The following ATXN7L1 variants were observed in gnomAD, a reference collection of about 807,000 sequenced individuals.
The protein encoded by ATXN7L1 is ataxin 7 like 1, also known as ataxin-7-like protein 1.
In ATXN7L1, 15 loss-of-function variants were observed where a neutral mutation model predicts 70.8. That is an observed-to-expected ratio of 0.21 (90% confidence interval 0.14 to 0.33). The LOEUF (loss-of-function observed/expected upper bound fraction) is 0.33, where lower values mean the gene tolerates loss of function less well. Among genes scored for constraint, ATXN7L1 ranks in the 10% least tolerant of loss-of-function variants. The pLI, the probability that ATXN7L1 is intolerant of heterozygous loss-of-function variation, is 1.00. For synonymous variants in ATXN7L1, 440 were observed against 445.1 expected, an observed-to-expected ratio of 0.99 and a Z score of 0.14; for missense variants, 975 against 1,097.1, an observed-to-expected ratio of 0.89 and a Z score of 1.57.
At chr7:105,835,161 T>TG (rs1458096471) in intron 2 of ATXN7L1, among the ~76,000 whole-genome samples, 2 of 142,022 alleles carry the variant, frequency 1.4e-5, no homozygotes, top group African/African-American at 5.3e-5. Flanking sequence ...TTTTTTTTTT[T>TG]TTTTTTTTTT....
At chr7:105,784,882 C>T (rs1804067117) in intron 3 of ATXN7L1, among the ~76,000 whole-genome samples, 1 of 152,136 alleles carries the variant, frequency 6.6e-6, no homozygotes, top group Non-Finnish European at 1.5e-5. Flanking sequence ...TCTGTGGAGC[C>T]CTGGCAGGTG....
At chr7:105,716,167 G>A (rs140819446) in intron 3 of ATXN7L1, among the ~76,000 whole-genome samples, 1 of 152,106 alleles carries the variant, frequency 6.6e-6, no homozygotes, top group African/African-American at 2.4e-5. Flanking sequence ...TAGAATTTAA[G>A]GGATATTTTT....
At chr7:105,650,102 G>A (rs1002966825) in intron 4 of ATXN7L1, among the ~76,000 whole-genome samples, 7 of 152,172 alleles carry the variant, frequency 4.6e-5, no homozygotes, top group Non-Finnish European at 7.3e-5. Flanking sequence ...GCTACTATGA[G>A]GAAATTATTT....
chr7:105,687,083 T>C (rs846935), intron 3 of ATXN7L1, among the ~76,000 whole-genome samples: 29,686 of 152,200 alleles, frequency 0.2, 3,009 homozygotes, highest in East Asian at 0.31. Context: ...TGAAAGCTAA[T>C]TCAGACTTTC....
At chr7:105,701,495 C>A (rs1445253803) in intron 3 of ATXN7L1, among the ~76,000 whole-genome samples, 1 of 152,060 alleles carries the variant, frequency 6.6e-6, no homozygotes, top group African/African-American at 2.4e-5. Context: ...GAAATATTGG[C>A]AGTTTTTGCA....
At chr7:105,624,447 C>A (rs1038436929) in intron 7 of ATXN7L1, among the ~76,000 whole-genome samples, 180 bp from the exon 8 acceptor site, 1 of 152,032 alleles carries the variant, frequency 6.6e-6, no homozygotes, top group Non-Finnish European at 1.5e-5. Flanking sequence ...GTCAGGAGAT[C>A]GAGACCATCC....
At chr7:105,855,321 A>G (rs560911440) in intron 2 of ATXN7L1, among the ~76,000 whole-genome samples, 76 of 152,382 alleles carry the variant, frequency 5.0e-4, no homozygotes, top group African/African-American at 1.8e-3. Context: ...CAGACAATAC[A>G]TTAAAAAATG....
chr7:105,821,685 G>A (rs1485370149), intron 2 of ATXN7L1, among the ~76,000 whole-genome samples: 1 of 152,238 alleles, frequency 6.6e-6, no homozygotes, highest in Non-Finnish European at 1.5e-5. Context: ...TTGTGAGCAA[G>A]CTACTTAACC....
At chr7:105,793,709 T>C (rs949703794) in intron 2 of ATXN7L1, among the ~76,000 whole-genome samples, 1 of 152,210 alleles carries the variant, frequency 6.6e-6, no homozygotes, top group Non-Finnish European at 1.5e-5. Flanking sequence ...GCCAGACCTG[T>C]CTGCTTTGCC....
chr7:105,797,156 T>C (rs549447141), intron 2 of ATXN7L1, among the ~76,000 whole-genome samples: 1 of 152,376 alleles, frequency 6.6e-6, no homozygotes, highest in South Asian at 2.1e-4. Flanking sequence ...AAAGCTTTTC[T>C]TCTTTTGCAA....
chr7:105,678,267 T>C (rs1805018885), intron 3 of ATXN7L1, among the ~76,000 whole-genome samples: 1 of 152,152 alleles, frequency 6.6e-6, no homozygotes. Context: ...AGGGTCTATT[T>C]TCCTGCCACC....
chr7:105,639,573 G>A lies in ATXN7L1; in HGVS notation c.863-4C>T, dbSNP rs1797874309. 1 of 1,545,644 alleles carries A rather than the reference G, an allele frequency of 6.5e-7. No individual in the cohort carries two copies. Among genetic ancestry groups the A allele is most frequent in the Non-Finnish European group, 8.7e-7 (1 of 1,143,030 alleles). ...TTATTTGGGTCAAATTCTCTCTCTGGTTTAAGAAACAAACAAAAAATATAA... is the reference window on the plus strand; with the variant it reads ...TTATTTGGGTCAAATTCTCTCTCTGATTTAAGAAACAAACAAAAAATATAA... On this transcript the variant is annotated splice_region_variant and splice_polypyrimidine_tract_variant and intron_variant, in intron 5 of 11. Transcript: ENST00000419735.
At chr7:105,727,540 G>A (rs555836783) in intron 3 of ATXN7L1, among the ~76,000 whole-genome samples, 5 of 150,846 alleles carry the variant, frequency 3.3e-5, no homozygotes, top group African/African-American at 7.3e-5. Context: ...ACGGTGGCAC[G>A]TGCCTGTAAT....
intron 3 of ATXN7L1, among the ~76,000 whole-genome samples, chr7:105,676,138 C>T (rs577895807): frequency 2.0e-5 from 3 of 152,224 alleles, no homozygotes; most frequent in Non-Finnish European, 2.9e-5. Context: ...CTGAGTCTGC[C>T]GGACTCCACC....
At chr7:105,657,702 CAAAAAAAAAAAAAAA>C (rs71155465) in intron 4 of ATXN7L1, among the ~76,000 whole-genome samples, 2 of 26,114 alleles carry the variant, frequency 7.7e-5, no homozygotes, top group South Asian at 2.4e-3. Context: ...GACCCTGTCT[CAAAAAAAAAAAAAAA>C]AAAAAAAAAA....
intron 3 of ATXN7L1, among the ~76,000 whole-genome samples, chr7:105,696,959 G>A (rs912939244): frequency 4.6e-5 from 7 of 152,170 alleles, no homozygotes; most frequent in African/African-American, 9.7e-5. Context: ...TGCCCCACAC[G>A]CCACAAAAAC....
intron 3 of ATXN7L1, among the ~76,000 whole-genome samples, chr7:105,771,552 T>C (rs536277766): frequency 6.6e-6 from 1 of 152,268 alleles, no homozygotes; most frequent in African/African-American, 2.4e-5. Context: ...CCCCAAAGCA[T>C]CTCAGGGTGT....
intron 3 of ATXN7L1, among the ~76,000 whole-genome samples, chr7:105,752,534 A>G (rs1799333522): frequency 6.6e-6 from 1 of 152,282 alleles, no homozygotes; most frequent in Non-Finnish European, 1.5e-5. Context: ...TATCATTCCC[A>G]TGCTTGGCTA....
chr7:105,852,096 C>T (rs531845106), intron 2 of ATXN7L1, among the ~76,000 whole-genome samples: 1 of 152,282 alleles, frequency 6.6e-6, no homozygotes, highest in South Asian at 2.1e-4. Context: ...CTGTGAAGTT[C>T]CATCACCTTC....
Sources: gnomAD v4.1 joint callset for allele counts (sites outside exome capture counted in the v4.1 genomes callset) on GRCh38, gnomAD v4.1.1 for gene constraint, MANE v1.5 for transcripts, NCBI Gene and HGNC (gene_info 2026-07-23, HGNC 2026-07-21) for gene names.